Variants in ATP2C2 observed in about 807,000 individuals in gnomAD.
ATP2C2 encodes the protein calcium-transporting ATPase type 2C member 2.
A neutral mutation model predicts 110.8 loss-of-function variants in ATP2C2; 171 were observed. That is an observed-to-expected ratio of 1.54 (90% CI 1.36 to 1.75). ATP2C2 has a LOEUF of 1.75. Among genes scored for constraint, ATP2C2 ranks in the 40% most tolerant of loss-of-function variants. The pLI is 0.00. For synonymous variants in ATP2C2, 804 were observed against 508.4 expected, an observed-to-expected ratio of 1.58 and a Z score of -7.82; for missense variants, 1,963 against 1,235.0, an observed-to-expected ratio of 1.59 and a Z score of -8.84.
intron 16 of ATP2C2, among the ~76,000 whole-genome samples, chr16:84,447,382 T>C (rs909716806): frequency 2.0e-5 from 3 of 152,054 alleles, no homozygotes; most frequent in African/African-American, 7.2e-5. Flanking sequence ...AGTATAGAAA[T>C]ATGACATAAA....
chr16:84,403,726 T>G (rs2150517369), intron 2 of ATP2C2, among the ~76,000 whole-genome samples: 1 of 152,156 alleles, frequency 6.6e-6, no homozygotes, highest in Non-Finnish European at 1.5e-5. Flanking sequence ...GTTTCCTTCT[T>G]GTTGCCCAGG....
chr16:84,436,120 C>G (rs979681405), intron 11 of ATP2C2, among the ~76,000 whole-genome samples: 2 of 152,242 alleles, frequency 1.3e-5, no homozygotes, highest in Admixed American at 6.5e-5. Flanking sequence ...CAGAGTGAGA[C>G]TCCATCTCAA....
At chr16:84,398,671 A>C in intron 2 of ATP2C2, 62 bp downstream of exon 2, 1 of 1,356,848 alleles carries the variant, frequency 7.4e-7, no homozygotes, top group Non-Finnish European at 1.0e-6. Context: ...AAAGAAAGCA[A>C]CACAAAGCCC....
chr16:84,442,686 C>T (rs1330156297), intron 15 of ATP2C2, 87 bp downstream of exon 15: 21 of 1,309,224 alleles, frequency 1.6e-5, no homozygotes, highest in Non-Finnish European at 2.2e-5. Flanking sequence ...TCTGAGCTAA[C>T]AGGAGTGGGG....
At position 84,459,188 on chromosome 16, in the gene ATP2C2, C is replaced by G. The variant is rs373240687; in HGVS notation, c.2216C>G (p.Thr739Arg). Residue 739 changes from threonine (T) to arginine (R), a missense_variant and splice_region_variant, in exon 22 of 27, where the codon ACG becomes AGG. Thr to Arg is a moderately conservative substitution (Grantham distance 71, BLOSUM62 -1). Transcript: ENST00000262429. ...AACTTTGTCCGATTCCAGCTGAGCA[C>G]GTAAGTAGAGGCCAGCATTCCGAGT... ...IKNFVRFQLS[T>R]SISALSLITL... 18 of 1,614,102 alleles carry G rather than the reference C, an allele frequency of 1.1e-5. No individual in the cohort carries two copies. The highest frequency in any genetic ancestry group is 1.4e-5 in the Non-Finnish European group (17 of 1,180,050).
Position 84,459,333 on chromosome 16 carries a change from C to T in ATP2C2, c.2280C>T (p.Asn760=), listed in dbSNP as rs373071039. 35 of 1,614,222 alleles carry T rather than the reference C, an allele frequency of 2.2e-5. No individual in the cohort carries two copies. Among genetic ancestry groups the T allele is most frequent in the African/African-American group, 2.1e-4 (16 of 75,058 alleles). Residue 760 remains asparagine, a synonymous_variant, in exon 23 of 27, where the codon AAC becomes AAT. Transcript: ENST00000262429. ...TGTTCAACCTGCCCAGCCCCCTCAACGCCATGCAGATCCTATGGATCAACA... is the reference window on the plus strand; with the variant it reads ...TGTTCAACCTGCCCAGCCCCCTCAATGCCATGCAGATCCTATGGATCAACA... ...STVFNLPSPL[N]AMQILWINII...
At chr16:84,390,139 C>A (rs1261725831) in intron 1 of ATP2C2, among the ~76,000 whole-genome samples, 3 of 152,248 alleles carry the variant, frequency 2.0e-5, no homozygotes, top group Non-Finnish European at 2.9e-5. Context: ...TATGTTGAAG[C>A]AATGCATGTC....
At chr16:84,409,516 T>C (rs1906081196) in intron 4 of ATP2C2, among the ~76,000 whole-genome samples, 1 of 152,140 alleles carries the variant, frequency 6.6e-6, no homozygotes, top group Admixed American at 6.5e-5. Flanking sequence ...GCACATTTTT[T>C]TTTCTTTTTT....
At position 84,448,552 on chromosome 16, in the gene ATP2C2, T is replaced by C. The variant is rs1322606906; in HGVS notation, c.1523T>C (p.Phe508Ser). ...LKTEDQEDIY[F>S]MKGALEEVIR... ...TCTAAGGATCAGGAAGACATTTACT[T>C]CATGAAAGGGGCCTTGGAAGAGGTG... Residue 508 changes from phenylalanine (F) to serine (S), a missense_variant, in exon 17 of 27, where the codon TTC becomes TCC. Phe to Ser is a radical substitution (Grantham distance 155). Transcript: ENST00000262429. 1 of 1,612,448 alleles carries C rather than the reference T, an allele frequency of 6.2e-7. No individual in the cohort carries two copies. The highest frequency in any genetic ancestry group is 8.5e-7 in the Non-Finnish European group (1 of 1,179,036).
At chr16:84,386,775 G>C (rs899259654) in intron 1 of ATP2C2, among the ~76,000 whole-genome samples, 1 of 152,124 alleles carries the variant, frequency 6.6e-6, no homozygotes, top group African/African-American at 2.4e-5. Flanking sequence ...TTTTAAAGAG[G>C]AGGAAACTGT....
chr16:84,451,403 G>A (rs1910249120), intron 17 of ATP2C2, among the ~76,000 whole-genome samples: 1 of 152,208 alleles, frequency 6.6e-6, no homozygotes, highest in South Asian at 2.1e-4. Context: ...CTATGCAGCT[G>A]TTTCTGGCTT....
chr16:84,459,840 A>G, intron 23 of ATP2C2: 1 of 424,562 alleles, frequency 2.4e-6, no homozygotes, highest in Non-Finnish European at 4.4e-6. Flanking sequence ...ATGGAGGCGG[A>G]GTTTGTGTTT....
chr16:84,422,594 C>G (rs556464499), intron 8 of ATP2C2, 35 bp from the exon 9 acceptor site: 3 of 1,611,098 alleles, frequency 1.9e-6, no homozygotes, highest in South Asian at 1.1e-5. Context: ...GCTCCCAGCC[C>G]TTAGATTTCA....
intron 1 of ATP2C2, among the ~76,000 whole-genome samples, chr16:84,394,898 C>A (rs889597389): frequency 2.0e-5 from 3 of 152,128 alleles, no homozygotes; most frequent in Non-Finnish European, 2.9e-5. Context: ...CAGATAAAGT[C>A]ACATTCTGGT....
At chr16:84,385,390 C>T (rs1307310731) in intron 1 of ATP2C2, among the ~76,000 whole-genome samples, 2 of 152,180 alleles carry the variant, frequency 1.3e-5, no homozygotes, top group Non-Finnish European at 2.9e-5. Context: ...CCAGGCCCAC[C>T]TCCAACATTA....
Position 84,439,258 on chromosome 16 carries a change from T to C in ATP2C2, c.1079T>C (p.Ile360Thr), listed in dbSNP as rs1252395767. The C allele has an allele frequency of 6.2e-7, 1 of 1,612,542 alleles. No individual in the cohort carries two copies. Among genetic ancestry groups the C allele is most frequent in the Admixed American group, 1.7e-5 (1 of 60,020 alleles). ...CTGCGGATGGCCAAGAAGCGGGTCA[T>C]CGTGAAGAAGTTACCCATCGTGGAG... ...GVLRMAKKRVIVKKLPIVETL... is the reference protein window; with the variant it reads ...GVLRMAKKRVTVKKLPIVETL... The change falls in exon 12 of 27, where the codon ATC becomes ACC. Residue 360 changes from isoleucine to threonine, a missense_variant. Transcript: ENST00000262429.
At position 84,459,170 on chromosome 16, in the gene ATP2C2, T is replaced by C; in HGVS notation, c.2198T>C (p.Val733Ala). ...KGIFYNIKNF[V>A]RFQLSTSISA... ...ATTTTTTACAACATCAAAAACTTTG[T>C]CCGATTCCAGCTGAGCACGTAAGTA... The change falls in exon 22 of 27, where the codon GTC (valine) becomes GCC (alanine). Residue 733 changes from valine (V) to alanine (A), a missense_variant. Val to Ala is a moderately conservative substitution (Grantham distance 64). Coordinates refer to ENST00000262429, the MANE Select transcript of ATP2C2 (RefSeq NM_014861.4). 6.2e-7 allele frequency: 1 copy of C among 1,614,170 alleles called. No individual in the cohort carries two copies. The highest frequency in any genetic ancestry group is 8.5e-7 in the Non-Finnish European group (1 of 1,180,034).
intron 15 of ATP2C2, among the ~76,000 whole-genome samples, chr16:84,443,857 T>G (rs1438913305): frequency 6.6e-6 from 1 of 152,058 alleles, no homozygotes; most frequent in East Asian, 1.9e-4. Context: ...ATCAGGTGCT[T>G]TTCCCCAGTG....
chr16:84,450,051 G>A (rs1163692723), intron 17 of ATP2C2, among the ~76,000 whole-genome samples: 1 of 152,374 alleles, frequency 6.6e-6, no homozygotes, highest in Admixed American at 6.5e-5. Flanking sequence ...GCTGCGGAGC[G>A]TAATGACGCG....
Sources: gnomAD v4.1 joint callset for allele counts (sites outside exome capture counted in the v4.1 genomes callset) on GRCh38, gnomAD v4.1.1 for gene constraint, MANE v1.5 for transcripts, NCBI Gene and HGNC (gene_info 2026-07-23, HGNC 2026-07-21) for gene names.